Variants in EPS15L1 observed in about 807,000 individuals in gnomAD.
EPS15L1 encodes epidermal growth factor receptor substrate 15-like 1.
In EPS15L1, 43 loss-of-function variants were observed where a neutral mutation model predicts 117.1. The observed-to-expected ratio is 0.37, with a 90% confidence interval of 0.29 to 0.47. The LOEUF (loss-of-function observed/expected upper bound fraction) is 0.47. EPS15L1 is among the 20% of genes least tolerant of loss of function. The pLI, the probability that EPS15L1 is intolerant of heterozygous loss-of-function variation, is 0.99. For missense variants in EPS15L1, 981 were observed against 1,164.0 expected, an observed-to-expected ratio of 0.84 and a Z score of 2.29; for synonymous variants, 459 against 470.5, an observed-to-expected ratio of 0.98 and a Z score of 0.32.
At chr19:16,378,570 C>G (rs1200515196) in intron 21 of EPS15L1, among the ~76,000 whole-genome samples, 1 of 152,172 alleles carries the variant, frequency 6.6e-6, no homozygotes, top group Non-Finnish European at 1.5e-5. Flanking sequence ...CACAGAGACA[C>G]GCTTCCAGGC....
intron 11 of EPS15L1, 126 bp downstream of exon 11, chr19:16,417,822 G>A (rs1049050700): frequency 7.2e-6 from 10 of 1,395,170 alleles, no homozygotes; most frequent in Non-Finnish European, 9.8e-6. Context: ...GGGGGCCCCT[G>A]TTGAGGAAGG....
At chr19:16,448,262 G>A (rs960702002) in intron 1 of EPS15L1, among the ~76,000 whole-genome samples, 3 of 152,178 alleles carry the variant, frequency 2.0e-5, no homozygotes, top group Non-Finnish European at 4.4e-5. Flanking sequence ...CTGGCGTGGT[G>A]GTTCATGCCT....
intron 7 of EPS15L1, among the ~76,000 whole-genome samples, chr19:16,433,175 T>C (rs1046222885): frequency 6.6e-6 from 1 of 152,104 alleles, no homozygotes; most frequent in Non-Finnish European, 1.5e-5. Context: ...TTGCCCTGGC[T>C]GGAGTGCAGT....
At chr19:16,399,690 T>TG (rs1250819009) in intron 16 of EPS15L1, among the ~76,000 whole-genome samples, 1 of 151,736 alleles carries the variant, frequency 6.6e-6, no homozygotes, top group African/African-American at 2.4e-5. Flanking sequence ...GGTTTTTTTT[T>TG]TTTTTTTAGA....
rs564568993 is a variant in EPS15L1, at chr19:16,422,337, G to A, written c.793-861C>T. ...CGTGGCCTACTCCACCTGCATTACCGCGGGCCTTCAATACACCCACCACGC... is the reference window on the plus strand; with the variant it reads ...CGTGGCCTACTCCACCTGCATTACCACGGGCCTTCAATACACCCACCACGC... On this transcript the variant is annotated intron_variant, in intron 9 of 23. Coordinates refer to ENST00000455140, the MANE Select transcript of EPS15L1 (RefSeq NM_001258374.3). Among the ~76,000 whole-genome samples the A allele has an allele frequency of 1.3e-3, 200 of 152,262 alleles. 2 individuals are homozygous for A. The highest frequency in any genetic ancestry group is 7.9e-3 in the South Asian group (38 of 4,828).
At chr19:16,453,114 C>T (rs534370342) in intron 1 of EPS15L1, among the ~76,000 whole-genome samples, 2 of 151,764 alleles carry the variant, frequency 1.3e-5, no homozygotes, top group South Asian at 4.2e-4. Flanking sequence ...TTTTATTTTT[C>T]ATAGAGACAG....
rs897082109 is a variant in EPS15L1 at position 16,412,725 on chromosome 19, G to T, written c.1266+1048C>A. Reference sequence around the variant, plus strand: ...GTGCAGCGGGGGGTGGGGGGGGGGGGGGTGTCAGAGGCCCTGGGATGGGCA... The same window carrying T: ...GTGCAGCGGGGGGTGGGGGGGGGGGTGGTGTCAGAGGCCCTGGGATGGGCA... On this transcript the variant is annotated intron_variant, in intron 13 of 23. Transcript: ENST00000455140. 23 of 154,266 alleles carry T rather than the reference G, an allele frequency of 1.5e-4. 1 individual carries two copies. The highest frequency in any genetic ancestry group is 1.4e-3 in the East Asian group (6 of 4,216). 9.6% of individuals were successfully genotyped at this position (154,266 alleles called of 1,614,324 possible). A position where few individuals can be genotyped will look rare whatever the true frequency, so the allele number is the denominator to read the frequency against.
chr19:16,371,619 G>A lies in EPS15L1; in HGVS notation c.2380+5503C>T, dbSNP rs2092225964. 6.6e-6 allele frequency among the ~76,000 whole-genome samples: 1 copy of A among 152,194 alleles called. No homozygotes were observed. The highest frequency in any genetic ancestry group is 1.5e-5 in the Non-Finnish European group (1 of 68,026). The stretch of plus-strand genomic sequence containing the variant: ...GTTAGCGGTAGAACTGCGCTGGCTG[G>A]TGTCACCGGGCGCTGCAGGCAGGAA... On this transcript the variant is annotated intron_variant, in intron 22 of 23. Transcript: ENST00000455140. This position sits in a 1 kb window ranked among gnomAD's most constrained non-coding sequence, Gnocchi z 4.7.
At chr19:16,431,424 T>C (rs947164742) in intron 7 of EPS15L1, among the ~76,000 whole-genome samples, 7 of 151,270 alleles carry the variant, frequency 4.6e-5, no homozygotes, top group African/African-American at 1.7e-4. Flanking sequence ...CTGCCTCAGC[T>C]TCCCGAGTCG....
Position 16,386,225 on chromosome 19 carries a change from G to A in EPS15L1, c.2110C>T (p.Pro704Ser), listed in dbSNP as rs750709081. The change falls in exon 20 of 24, where the codon CCC becomes TCC. Residue 704 changes from proline to serine, a missense_variant. Transcript: ENST00000455140. ...KNPSLPSKLD[P>S]FESSDPFSSS... ...GAAAAGGGATCACTGGATTCAAAGGGGTCGAGCTAAATGAAAGGAGAGAGG... is the reference window on the plus strand; with the variant it reads ...GAAAAGGGATCACTGGATTCAAAGGAGTCGAGCTAAATGAAAGGAGAGAGG... 1.7e-5 allele frequency: 27 copies of A among 1,611,518 alleles called. No individual in the cohort carries two copies. The South Asian group carries it at 2.9e-4, about 17-fold the overall frequency.
At chr19:16,379,959 G>A (rs1396348349) in intron 21 of EPS15L1, among the ~76,000 whole-genome samples, 1 of 151,496 alleles carries the variant, frequency 6.6e-6, no homozygotes, top group African/African-American at 2.4e-5. Flanking sequence ...TAGTCACATA[G>A]ACGCGGCTGT....
chr19:16,362,669 G>A (rs564553125), intron 22 of EPS15L1, among the ~76,000 whole-genome samples: 53 of 151,846 alleles, frequency 3.5e-4, no homozygotes, highest in African/African-American at 1.1e-3. Context: ...GCCACCATGC[G>A]TGGCTAATTT....
chr19:16,469,951 T>C lies in EPS15L1; in HGVS notation c.33+1962A>G, dbSNP rs139554016. Among the ~76,000 whole-genome samples the C allele has an allele frequency of 6.6e-3, 1,003 of 152,308 alleles. 10 individuals are homozygous for C. Among genetic ancestry groups the C allele is most frequent in the African/African-American group, 0.023 (955 of 41,564 alleles). On this transcript the variant is annotated intron_variant, in intron 1 of 23. Transcript: ENST00000455140. ...GCCTGGGAGGGCCATGCCTCACACC[T>C]GGGCCAACAGTAACCCATGGTGTAG...
intron 13 of EPS15L1, 149 bp downstream of exon 13, chr19:16,413,624 A>C (rs1371314581): frequency 3.3e-5 from 26 of 786,208 alleles, no homozygotes; most frequent in Non-Finnish European, 5.2e-5. Context: ...AAAAAAAAAA[A>C]AACAAAAACT....
In EPS15L1 at chr19:16,400,955, G is replaced by A. The variant is rs940711591; in HGVS notation, c.1791+1366C>T. 1.6e-5 allele frequency: 16 copies of A among 985,294 alleles called. No individual in the cohort carries two copies. The South Asian group carries it at 2.3e-4, about 14-fold the overall frequency. 61.0% of individuals were successfully genotyped at this position (985,294 alleles called of 1,614,324 possible). A position where few individuals can be genotyped will look rare whatever the true frequency, so the allele number is the denominator to read the frequency against. ...AGACTGAGCAGGACAAGCCAAAAGC[G>A]GTGCCAGGGGACAATGCCAGATGGG... On this transcript the variant is annotated intron_variant, in intron 16 of 23. Transcript: ENST00000455140.
chr19:16,466,009 G>A (rs1055975030), intron 1 of EPS15L1, among the ~76,000 whole-genome samples: 2 of 129,960 alleles, frequency 1.5e-5, no homozygotes, highest in Non-Finnish European at 3.1e-5. Flanking sequence ...TTTTTTTTGA[G>A]ACAGAGTCTT....
chr19:16,451,153 G>A (rs527865293), intron 1 of EPS15L1, among the ~76,000 whole-genome samples: 14 of 151,920 alleles, frequency 9.2e-5, no homozygotes, highest in East Asian at 7.8e-4. Flanking sequence ...GTCTCACCAC[G>A]TTGGCCAGGC....
At chr19:16,463,503 G>T (rs1343479595) in intron 1 of EPS15L1, among the ~76,000 whole-genome samples, 1 of 152,150 alleles carries the variant, frequency 6.6e-6, no homozygotes, top group African/African-American at 2.4e-5. Context: ...CACTCCCTGT[G>T]TAAGCAGCCA....
rs144280225 is a variant in EPS15L1, at chr19:16,404,394, C to A, written c.1428+194G>T. Among the ~76,000 whole-genome samples, 6 of 152,156 alleles carry A rather than the reference C, an allele frequency of 3.9e-5. No individual in the cohort carries two copies. Among genetic ancestry groups the A allele is most frequent in the Non-Finnish European group, 8.8e-5 (6 of 68,020 alleles). On this transcript the variant is annotated intron_variant, in intron 14 of 23. Coordinates refer to ENST00000455140, the MANE Select transcript of EPS15L1 (RefSeq NM_001258374.3). This position sits in a 1 kb window ranked among gnomAD's most constrained non-coding sequence, Gnocchi z 4.2. ...GCCATTCACTTATACAACCTGACTT[C>A]TAGGAGTACAGGGGGGTGGCCAGGA...
Sources: gnomAD v4.1 joint callset for allele counts (sites outside exome capture counted in the v4.1 genomes callset) on GRCh38, gnomAD v4.1.1 for gene constraint, Gnocchi (gnomAD v3.1) non-coding constraint, MANE v1.5 for transcripts, NCBI Gene and HGNC (gene_info 2026-07-23, HGNC 2026-07-21) for gene names.